The following LYSMD2 variants were observed in gnomAD, a reference collection of about 807,000 sequenced individuals.
LYSMD2 encodes the protein LysM domain containing 2, also known as lysM and putative peptidoglycan-binding domain-containing protein 2.
A neutral mutation model predicts 17.7 loss-of-function variants in LYSMD2; 6 were observed. The ratio of observed to expected loss-of-function variants is 0.34; its 90% CI spans 0.19 to 0.67. LYSMD2 has a LOEUF of 0.67. LYSMD2 is among the 30% of genes least tolerant of loss of function. The pLI, the probability that LYSMD2 is intolerant of heterozygous loss-of-function variation, is 0.69. For missense variants in LYSMD2, 237 were observed against 286.7 expected, an observed-to-expected ratio of 0.83 and a Z score of 1.25; for synonymous variants, 102 against 129.8, an observed-to-expected ratio of 0.79 and a Z score of 1.45.
At chr15:51,739,245 C>G (rs919892953), upstream of LYSMD2, among the ~76,000 whole-genome samples, 1 of 152,158 alleles carries the variant, frequency 6.6e-6, no homozygotes. Flanking sequence ...CATGCATGAG[C>G]TTGTCTTATC....
intron 1 of LYSMD2, among the ~76,000 whole-genome samples, chr15:51,749,547 T>C (rs547827778): frequency 1.7e-4 from 26 of 152,344 alleles, no homozygotes; most frequent in African/African-American, 4.3e-4. Context: ...ATTCGTTTTA[T>C]CACATGCAGC....
chr15:51,731,824 A>G (rs1044283781), intron 1 of LYSMD2, among the ~76,000 whole-genome samples: 1 of 152,178 alleles, frequency 6.6e-6, no homozygotes, highest in African/African-American at 2.4e-5. Flanking sequence ...TCTAACTGAG[A>G]GGAGCCAGGA....
chr15:51,729,494 T>C (rs1338342113), intron 1 of LYSMD2, among the ~76,000 whole-genome samples: 3 of 152,280 alleles, frequency 2.0e-5, no homozygotes, highest in Non-Finnish European at 2.9e-5. Flanking sequence ...AGTCTCGCTC[T>C]GTCACCCAGA....
intron 1 of LYSMD2, among the ~76,000 whole-genome samples, chr15:51,725,533 G>A (rs546874270): frequency 6.6e-6 from 1 of 151,972 alleles, no homozygotes; most frequent in Admixed American, 6.5e-5. Flanking sequence ...CATGTCTCTA[G>A]AACTGTACTT....
chr15:51,750,153 C>A (rs532489509), intron 1 of LYSMD2, among the ~76,000 whole-genome samples: 1 of 152,322 alleles, frequency 6.6e-6, no homozygotes, highest in South Asian at 2.1e-4. Context: ...TTACTGAACA[C>A]CCCTATGACC....
chr15:51,730,403 C>T (rs1330913966), intron 1 of LYSMD2, among the ~76,000 whole-genome samples: 1 of 152,180 alleles, frequency 6.6e-6, no homozygotes, highest in Non-Finnish European at 1.5e-5. Context: ...ATAGTTCCAG[C>T]TACTTGGGAG....
upstream of LYSMD2, among the ~76,000 whole-genome samples, chr15:51,741,123 T>C (rs1167750508): frequency 1.3e-5 from 2 of 152,216 alleles, no homozygotes; most frequent in South Asian, 2.1e-4. Context: ...CTTACCCTTA[T>C]AGCCATGAAG....
chr15:51,744,423 C>T (rs891721111), intron 1 of LYSMD2, among the ~76,000 whole-genome samples: 2 of 151,956 alleles, frequency 1.3e-5, no homozygotes, highest in African/African-American at 4.8e-5. Flanking sequence ...CCTCTTTAGC[C>T]TGTTGATGTG....
At chr15:51,733,488 T>C (rs192335662) in intron 1 of LYSMD2, among the ~76,000 whole-genome samples, 1 of 151,060 alleles carries the variant, frequency 6.6e-6, no homozygotes, top group East Asian at 1.9e-4. Flanking sequence ...GGCAGGGAAG[T>C]TGGGGAGGAG....
intron 1 of LYSMD2, among the ~76,000 whole-genome samples, chr15:51,729,308 C>A (rs1323674909): frequency 6.6e-6 from 1 of 152,224 alleles, no homozygotes; most frequent in Non-Finnish European, 1.5e-5. Context: ...CAGGGAGTGA[C>A]ATGATCTGAT....
chr15:51,731,744 TC>T (rs1285827549), intron 1 of LYSMD2, among the ~76,000 whole-genome samples: 5 of 152,028 alleles, frequency 3.3e-5, no homozygotes, highest in African/African-American at 1.2e-4. Flanking sequence ...TCTGGAGGTT[TC>T]TCCAGGGTTT....
chr15:51,740,045 G>A (rs1192114310), upstream of LYSMD2, among the ~76,000 whole-genome samples: 2 of 152,070 alleles, frequency 1.3e-5, no homozygotes, highest in African/African-American at 2.4e-5. Flanking sequence ...TGCAAGCTCC[G>A]CCTCCCAGGT....
rs549786764 is a variant in LYSMD2 at position 51,735,093 on chromosome 15, G to A, written c.273+2257C>T. ...GGAGGCCGAGGTGGGAAGATCACTT[G>A]AGCAGCGGCAGCTGAGGCTGCAGTG... is the stretch of plus-strand genomic sequence containing the variant. On this transcript the variant is annotated intron_variant, in intron 1 of 2. Coordinates refer to ENST00000267838, the MANE Select transcript of LYSMD2 (RefSeq NM_153374.3). 5.9e-5 allele frequency among the ~76,000 whole-genome samples: 9 copies of A among 152,122 alleles called. No homozygotes were observed. The East Asian group carries it at 1.7e-3, about 29-fold the overall frequency.
At chr15:51,729,650 G>A (rs2055564215) in intron 1 of LYSMD2, among the ~76,000 whole-genome samples, 1 of 152,284 alleles carries the variant, frequency 6.6e-6, no homozygotes, top group South Asian at 2.1e-4. Flanking sequence ...AGTAGAGACG[G>A]GCTTTCGCCG....
intron 1 of LYSMD2, among the ~76,000 whole-genome samples, chr15:51,731,488 G>A (rs2055576514): frequency 6.6e-6 from 1 of 152,158 alleles, no homozygotes; most frequent in South Asian, 2.1e-4. Context: ...TCTCAGCAAG[G>A]TAACTTTCGT....
At chr15:51,724,600 AAG>A (rs2055524637) in intron 2 of LYSMD2, among the ~76,000 whole-genome samples, 188 bp downstream of exon 2, 2 of 151,836 alleles carry the variant, frequency 1.3e-5, no homozygotes, top group African/African-American at 4.9e-5. Flanking sequence ...AAAGCAAAAA[AAG>A]AAAGAAAGAA....
rs369221719 is a variant in LYSMD2, at chr15:51,723,569, A to G, written c.*38T>C. On this transcript the variant is annotated 3_prime_UTR_variant, in exon 3 of 3. Transcript: ENST00000267838. The stretch of plus-strand genomic sequence containing the variant: ...TTGTTGGATTCTTTATGGTCCAAAC[A>G]TATCTTAATTTTGGTTAGAGTTATG... 2.0e-6 allele frequency: 3 copies of G among 1,514,278 alleles called. No individual in the cohort carries two copies. The highest frequency in any genetic ancestry group is 2.8e-6 in the Non-Finnish European group (3 of 1,090,220). The allele number at this position is 1,514,278 out of a possible 1,614,324, so 93.8% of individuals were successfully genotyped here.
At chr15:51,745,789 A>G (rs1431945894) in intron 1 of LYSMD2, among the ~76,000 whole-genome samples, 1 of 152,216 alleles carries the variant, frequency 6.6e-6, no homozygotes, top group African/African-American at 2.4e-5. Flanking sequence ...AAAATAAAGT[A>G]GGCAAAGGAT....
chr15:51,729,563 A>G (rs960887479), intron 1 of LYSMD2, among the ~76,000 whole-genome samples: 14 of 152,186 alleles, frequency 9.2e-5, no homozygotes, highest in African/African-American at 2.9e-4. Flanking sequence ...GGTTTAAGCT[A>G]TTCTACTGCC....
Sources: allele counts gnomAD v4.1 joint callset (sites outside exome capture counted in the v4.1 genomes callset), GRCh38; gene constraint gnomAD v4.1.1; transcripts MANE v1.5; gene names NCBI Gene and HGNC (gene_info 2026-07-23, HGNC 2026-07-21).